GPLD1: variants seen among roughly 807,000 people sequenced by gnomAD.
GPLD1 encodes glycosylphosphatidylinositol specific phospholipase D1, also known as phosphatidylinositol-glycan-specific phospholipase D.
Under a neutral mutation model 112.6 loss-of-function variants are expected in GPLD1, and 84 were observed. The observed-to-expected ratio is 0.75, with a 90% CI of 0.63 to 0.89. The LOEUF (loss-of-function observed/expected upper bound fraction) is 0.89, where lower values mean the gene tolerates loss of function less well. Among genes scored for constraint, GPLD1 ranks in the 40% least tolerant of loss-of-function variants. GPLD1 has a pLI of 0.00. For synonymous variants in GPLD1, 386 were observed against 403.8 expected, an observed-to-expected ratio of 0.96 and a Z score of 0.53; for missense variants, 1,044 against 1,051.5, an observed-to-expected ratio of 0.99 and a Z score of 0.10.
At position 24,449,848 on chromosome 6, in the gene GPLD1, C is replaced by T. The variant is rs780432641; in HGVS notation, c.1387G>A (p.Gly463Ser). The change falls in exon 15 of 25, where the codon GGC (glycine) becomes AGC (serine). Residue 463 changes from glycine to serine, a missense_variant. By Grantham distance (56) the Gly-to-Ser change is moderately conservative. Transcript: ENST00000230036. Reference sequence around the variant, plus strand: ...GCTCCCACGGCCAGGTCAGGCACGCCGTCCACGTTAAAGTCCAACACAGCC... The same window carrying T: ...GCTCCCACGGCCAGGTCAGGCACGCTGTCCACGTTAAAGTCCAACACAGCC... ...ALAVLDFNVDGVPDLAVGAPS... is the reference protein window; with the variant it reads ...ALAVLDFNVDSVPDLAVGAPS... The T allele has an allele frequency of 8.1e-6, 13 of 1,613,828 alleles. No homozygotes were observed. Among genetic ancestry groups the T allele is most frequent in the Middle Eastern group, 1.6e-4 (1 of 6,080 alleles).
At chr6:24,435,824 C>CAAAAAAAAAAAAAAAAAAAAAAA (rs557127362) in intron 22 of GPLD1, 14 of 32,876 alleles carry the variant, frequency 4.3e-4, no homozygotes, top group Non-Finnish European at 6.0e-4. Context: ...GACGCTGTCT[C>CAAAAAAAAAAAAAAAAAAAAAAA]AAAAAAAAAA....
chr6:24,433,150 A>C, intron 24 of GPLD1, 37 bp downstream of exon 24: 1 of 1,418,496 alleles, frequency 7.0e-7, no homozygotes, highest in Non-Finnish European at 1.0e-6. Context: ...CCGTAGTACT[A>C]ACATAAACAT....
chr6:24,453,871 T>C (rs534484594), intron 14 of GPLD1, 144 bp downstream of exon 14: 9 of 617,326 alleles, frequency 1.5e-5, no homozygotes, highest in South Asian at 1.1e-4. Context: ...CTTCTAAAAC[T>C]AAAAAGTGCT....
At chr6:24,471,917 G>A (rs1416991609) in intron 7 of GPLD1, among the ~76,000 whole-genome samples, 1 of 152,090 alleles carries the variant, frequency 6.6e-6, no homozygotes, top group Non-Finnish European at 1.5e-5. Flanking sequence ...GACATCAGAA[G>A]TACACATTAC....
At chr6:24,442,949 A>T (rs1166294188) in intron 20 of GPLD1, among the ~76,000 whole-genome samples, 1 of 152,182 alleles carries the variant, frequency 6.6e-6, no homozygotes, top group Non-Finnish European at 1.5e-5. Flanking sequence ...CAAAACCAAG[A>T]AAGTTTGAGA....
At chr6:24,458,106 C>A (rs1022608212) in intron 12 of GPLD1, among the ~76,000 whole-genome samples, 1 of 151,078 alleles carries the variant, frequency 6.6e-6, no homozygotes, top group Non-Finnish European at 1.5e-5. Context: ...CTAGATCCAT[C>A]CAAGTTAAGG....
intron 1 of GPLD1, among the ~76,000 whole-genome samples, chr6:24,488,182 C>T (rs1051161883): frequency 6.6e-6 from 1 of 152,058 alleles, no homozygotes; most frequent in East Asian, 1.9e-4. Context: ...CCGAGGCAGG[C>T]GGATCGCAAG....
intron 3 of GPLD1, among the ~76,000 whole-genome samples, chr6:24,477,186 A>G (rs972117497): frequency 5.3e-5 from 8 of 150,148 alleles, no homozygotes; most frequent in East Asian, 3.9e-4. Context: ...ACTTAAACAA[A>G]TTGGCAGATT....
Position 24,436,648 on chromosome 6 carries a change from A to G in GPLD1, c.2286T>C (p.Asn762=), listed in dbSNP as rs1451554357. The change falls in exon 22 of 25, where the codon AAT becomes AAC. Residue 762 remains asparagine, a synonymous_variant. Coordinates refer to ENST00000230036, the MANE Select transcript of GPLD1 (RefSeq NM_001503.4). ...GGEDGRVYVY[N]GKETTLGDMT... is the part of the protein sequence containing the mutation. The stretch of plus-strand genomic sequence containing the variant: ...TGTCACCAAGGGTGGTCTCTTTGCC[A>G]TTATATACATATACTCGGCCGTCTT... The G allele has an allele frequency of 3.1e-6, 5 of 1,614,024 alleles. No individual in the cohort carries two copies. The highest frequency in any genetic ancestry group is 4.2e-6 in the Non-Finnish European group (5 of 1,179,916).
downstream of GPLD1, chr6:24,425,718 G>C (rs998490935): frequency 6.6e-6 from 1 of 152,222 alleles, no homozygotes; most frequent in African/African-American, 2.4e-5. Context: ...AACACATCAA[G>C]TGTCGAACAC....
At position 24,489,514 on chromosome 6, in the gene GPLD1, T is replaced by C. The variant is rs1461926990; in HGVS notation, c.-3A>G. 1.9e-6 allele frequency: 3 copies of C among 1,613,934 alleles called. No homozygotes were observed. Among genetic ancestry groups the C allele is most frequent in the Non-Finnish European group, 2.5e-6 (3 of 1,179,922 alleles). On this transcript the variant is annotated 5_prime_UTR_variant, in exon 1 of 25. Coordinates refer to ENST00000230036, the MANE Select transcript of GPLD1 (RefSeq NM_001503.4). ...GGCCACAACCTGAAAGCAGACATGA[T>C]CTCATTGCCCACCGGCTTCTCTGGT...
chr6:24,446,714 G>A (rs1475382683), intron 18 of GPLD1, 124 bp downstream of exon 18: 19 of 891,124 alleles, frequency 2.1e-5, no homozygotes, highest in Non-Finnish European at 3.1e-5. Context: ...CCAGAGCCTT[G>A]GCTTTTCCTT....
In GPLD1 at chr6:24,434,572, G is replaced by A. The variant is rs182108453; in HGVS notation, c.2359-1183C>T. Among the ~76,000 whole-genome samples the A allele has an allele frequency of 1.1e-3, 160 of 152,070 alleles. 1 individual carries two copies. The highest frequency in any genetic ancestry group is 2.0e-3 in the Non-Finnish European group (136 of 68,004). ...AGTGTAACCTTGAATAAACTTCCTC[G>A]CTGATCTTTAATTTTTTTATTTTAA... On this transcript the variant is annotated intron_variant, in intron 22 of 24. Coordinates refer to ENST00000230036, the MANE Select transcript of GPLD1 (RefSeq NM_001503.4).
intron 1 of GPLD1, among the ~76,000 whole-genome samples, chr6:24,487,372 G>A (rs1314601449): frequency 1.3e-5 from 2 of 152,076 alleles, no homozygotes; most frequent in African/African-American, 4.8e-5. Context: ...AAAATTCTCA[G>A]AATCCGTGCA....
At chr6:24,468,042 G>A (rs898286400) in intron 7 of GPLD1, among the ~76,000 whole-genome samples, 1 of 152,140 alleles carries the variant, frequency 6.6e-6, no homozygotes, top group African/African-American at 2.4e-5. Context: ...AAGCAGCTGG[G>A]ATTACAGGCG....
intron 20 of GPLD1, among the ~76,000 whole-genome samples, chr6:24,438,616 A>T (rs1219349665): frequency 6.6e-6 from 1 of 152,226 alleles, no homozygotes; most frequent in Non-Finnish European, 1.5e-5. Flanking sequence ...AGTAGGAAAT[A>T]AGAAAGAGTA....
chr6:24,481,210 T>C (rs1186870942), intron 2 of GPLD1, among the ~76,000 whole-genome samples: 2 of 152,154 alleles, frequency 1.3e-5, no homozygotes, highest in African/African-American at 2.4e-5. Context: ...GTTCCCACAG[T>C]TTGTAAGCAG....
intron 7 of GPLD1, among the ~76,000 whole-genome samples, chr6:24,471,368 TGGGA>T (rs1159481511): frequency 1.3e-5 from 2 of 151,518 alleles, no homozygotes; most frequent in Non-Finnish European, 2.9e-5. Flanking sequence ...GAGGCTGAGG[TGGGA>T]GGATCATTTG....
At chr6:24,456,929 G>A (rs902994487) in intron 12 of GPLD1, among the ~76,000 whole-genome samples, 1 of 152,144 alleles carries the variant, frequency 6.6e-6, no homozygotes, top group African/African-American at 2.4e-5. Flanking sequence ...GGAGTGCAGT[G>A]GCACGATCTC....
Sources: gnomAD v4.1 joint callset for allele counts (sites outside exome capture counted in the v4.1 genomes callset) on GRCh38, gnomAD v4.1.1 for gene constraint, MANE v1.5 for transcripts, NCBI Gene and HGNC (gene_info 2026-07-23, HGNC 2026-07-21) for gene names.